The following LRPAP1 variants were observed in gnomAD, a reference collection of about 807,000 sequenced individuals.
LRPAP1 encodes LDL receptor related protein associated protein 1, also known as alpha-2-macroglobulin receptor-associated protein.
A neutral mutation model predicts 39.9 loss-of-function variants in LRPAP1; 41 were observed. That is an observed-to-expected ratio of 1.03 (90% CI 0.80 to 1.33). The LOEUF is 1.33. Among genes scored for constraint, LRPAP1 ranks in the 40% most tolerant of loss-of-function variants. The pLI, the probability that LRPAP1 is intolerant of heterozygous loss-of-function variation, is 0.00. For synonymous variants in LRPAP1, 263 were observed against 212.7 expected, an observed-to-expected ratio of 1.24 and a Z score of -2.06; for missense variants, 565 against 482.3, an observed-to-expected ratio of 1.17 and a Z score of -1.61.
intron 1 of LRPAP1, among the ~76,000 whole-genome samples, chr4:3,526,482 T>A (rs918719034): frequency 1.3e-5 from 2 of 152,288 alleles, no homozygotes; most frequent in African/African-American, 4.8e-5. Context: ...ATGTGTGTTA[T>A]ATTTCAATAA....
At chr4:3,518,637 A>C (rs576309759) in intron 4 of LRPAP1, among the ~76,000 whole-genome samples, 521 of 152,036 alleles carry the variant, frequency 3.4e-3, no homozygotes, top group African/African-American at 0.012. Flanking sequence ...CGCCGGTGAG[A>C]CTTGGTTCAT....
intron 1 of LRPAP1, among the ~76,000 whole-genome samples, chr4:3,531,570 G>C (rs978545085): frequency 6.6e-6 from 1 of 152,188 alleles, no homozygotes; most frequent in Non-Finnish European, 1.5e-5. Flanking sequence ...TTGTCCCGGG[G>C]GGCCCCACCG....
chr4:3,516,320 G>A lies in LRPAP1; in HGVS notation c.752-122C>T, dbSNP rs1329359295. On this transcript the variant is annotated intron_variant, in intron 5 of 7. Coordinates refer to ENST00000650182, the MANE Select transcript of LRPAP1 (RefSeq NM_002337.4). ...GGGTTTGCAGGCGCGACCTGCATGT[G>A]TGTGAAACACGGGTGCGTGCACTCA... 19 of 728,070 alleles carry A rather than the reference G, an allele frequency of 2.6e-5. No individual in the cohort carries two copies. The East Asian group carries it at 4.3e-4, about 17-fold the overall frequency. The allele number at this position is 728,070 out of a possible 1,614,324, so 45.1% of individuals were successfully genotyped here. A position where few individuals can be genotyped will look rare whatever the true frequency, so the allele number is the denominator to read the frequency against.
At position 3,525,387 on chromosome 4, in the gene LRPAP1, G is replaced by A. The variant is rs554967445; in HGVS notation, c.205-336C>T. On this transcript the variant is annotated intron_variant, in intron 1 of 7. Transcript: ENST00000650182. The stretch of plus-strand genomic sequence containing the variant: ...TCGGGCACTCGGATAAACAGAGCAG[G>A]AAGAAGATACCCACTGCATTACCAT... Among the ~76,000 whole-genome samples the A allele has an allele frequency of 4.0e-4, 61 of 152,238 alleles. 2 individuals are homozygous for A. Among genetic ancestry groups the A allele is most frequent in the African/African-American group, 1.3e-3 (53 of 41,536 alleles).
chr4:3,530,935 G>T (rs1730232061), intron 1 of LRPAP1, among the ~76,000 whole-genome samples: 1 of 152,078 alleles, frequency 6.6e-6, no homozygotes, highest in Admixed American at 6.5e-5. Flanking sequence ...TCCTCATGGG[G>T]AGGGGGGACT....
rs1173694776 is a variant in LRPAP1, at chr4:3,506,396, G to A, written c.*6578C>T. 2 of 140,104 alleles carry A rather than the reference G, an allele frequency of 1.4e-5. No individual in the cohort carries two copies. The highest frequency in any genetic ancestry group is 3.0e-5 in the Non-Finnish European group (2 of 65,960). 8.7% of individuals were successfully genotyped at this position (140,104 alleles called of 1,614,324 possible). On this transcript the variant is annotated 3_prime_UTR_variant, in exon 8 of 8. Transcript: ENST00000650182. ...CTGGGTTTTTTTTTTTTTTTGAGGC[G>A]AAGTCTTGCTCTTGTCCCCAGGCCG...
chr4:3,518,853 G>A lies in LRPAP1; in HGVS notation c.592+18C>T, dbSNP rs1250798209. 1 of 1,518,094 alleles carries A rather than the reference G, an allele frequency of 6.6e-7. No homozygotes were observed. The highest frequency in any genetic ancestry group is 8.9e-7 in the Non-Finnish European group (1 of 1,125,966). 94.0% of individuals were successfully genotyped at this position (1,518,094 alleles called of 1,614,324 possible). A position where few individuals can be genotyped will look rare whatever the true frequency, so the allele number is the denominator to read the frequency against. On this transcript the variant is annotated intron_variant, in intron 4 of 7. Transcript: ENST00000650182. ...GGGGGTGGGGCAGAGGGCAGGAGGG[G>A]GTGGGGGCGGGGGGCACCTTCGGTC...
Position 3,511,893 on chromosome 4 carries a change from CTCGGAG to C in LRPAP1, c.*1075_*1080del, listed in dbSNP as rs1467587173. ...GCTCAGACACGGGAAGGGAACCACGCTCGGAGCCGGACCCGAGCCTCTTCCAGGCTC... is the reference window on the plus strand; with the variant it reads ...GCTCAGACACGGGAAGGGAACCACGCCCGGACCCGAGCCTCTTCCAGGCTC... On this transcript the variant is annotated 3_prime_UTR_variant, in exon 8 of 8. Coordinates refer to ENST00000650182, the MANE Select transcript of LRPAP1 (RefSeq NM_002337.4). 15 of 113,632 alleles carry C rather than the reference CTCGGAG, an allele frequency of 1.3e-4. No homozygotes were observed. Among genetic ancestry groups the C allele is most frequent in the East Asian group, 5.2e-4 (2 of 3,874 alleles). 7.0% of individuals were successfully genotyped at this position (113,632 alleles called of 1,614,324 possible).
chr4:3,522,547 C>CT (rs60485813), intron 2 of LRPAP1, among the ~76,000 whole-genome samples: 43,770 of 81,302 alleles, frequency 0.54, 13,537 homozygotes, highest in East Asian at 0.83. Flanking sequence ...CACGCCCTGC[C>CT]CGGGGAGGAC....
Position 3,505,890 on chromosome 4 carries a change from G to A in LRPAP1, c.*7084C>T. ...TGACCCAGCAGGCTGGGCTGAGCTG[G>A]GACCAGCTCTTCCACTGCCCTGCTC... is the stretch of plus-strand genomic sequence containing the variant. On this transcript the variant is annotated 3_prime_UTR_variant, in exon 8 of 8. Transcript: ENST00000650182. Among the ~76,000 whole-genome samples, 1 of 152,176 alleles carries A rather than the reference G, an allele frequency of 6.6e-6. No homozygotes were observed. The highest frequency in any genetic ancestry group is 1.5e-5 in the Non-Finnish European group (1 of 68,030).
rs115288106 is a variant in LRPAP1 at position 3,526,353 on chromosome 4, G to C, written c.205-1302C>G. On this transcript the variant is annotated intron_variant, in intron 1 of 7. Coordinates refer to ENST00000650182, the MANE Select transcript of LRPAP1 (RefSeq NM_002337.4). ...TGCCCATCACCTAACGCCTGTCTCT[G>C]ATCATGTGTGTTTAAATATGGAGTC... Among the ~76,000 whole-genome samples, 904 of 152,314 alleles carry C rather than the reference G, an allele frequency of 5.9e-3. 1 individual carries two copies. The highest frequency in any genetic ancestry group is 0.024 in the Middle Eastern group (7 of 294).
Position 3,518,973 on chromosome 4 carries a change from A to AACAAGACC in LRPAP1, c.489_490insGGTCTTGT (p.Phe164GlyfsTer33). On this transcript the variant is annotated frameshift_variant, in exon 4 of 8. Transcript: ENST00000650182. LOFTEE classifies it high-confidence loss of function. ...AGCTTGTCCAGTTCTTCGCCGGAGA[A>AACAAGACC]TTTCCCAGAGGTCTTCGCCTAAGAG... 1 of 1,613,964 alleles carries AACAAGACC rather than the reference A, an allele frequency of 6.2e-7. No homozygotes were observed. The highest frequency in any genetic ancestry group is 8.5e-7 in the Non-Finnish European group (1 of 1,179,960).
At chr4:3,531,308 T>C (rs1730244773) in intron 1 of LRPAP1, among the ~76,000 whole-genome samples, 1 of 152,168 alleles carries the variant, frequency 6.6e-6, no homozygotes, top group African/African-American at 2.4e-5. Flanking sequence ...TCCCTTTTCG[T>C]TCCAAAAGTT....
In LRPAP1 at chr4:3,524,889, GGAAA is replaced by G; in HGVS notation, c.349+14_349+17del. The G allele has an allele frequency of 6.2e-7, 1 of 1,612,172 alleles. No individual in the cohort carries two copies. The highest frequency in any genetic ancestry group is 8.5e-7 in the Non-Finnish European group (1 of 1,178,240). ...GAAGAGGGATACTCGACCTGCATTA[GGAAA>G]GAAACAAACGTACCATTGAGGTTGC... On this transcript the variant is annotated intron_variant, in intron 2 of 7. Coordinates refer to ENST00000650182, the MANE Select transcript of LRPAP1 (RefSeq NM_002337.4).
At chr4:3,520,043 T>C in intron 3 of LRPAP1, 29 bp downstream of exon 3, 1 of 1,611,042 alleles carries the variant, frequency 6.2e-7, no homozygotes, top group Non-Finnish European at 8.5e-7. Flanking sequence ...GCACCAATTC[T>C]GCAAGGTATG....
chr4:3,527,957 A>C (rs1306789398), intron 1 of LRPAP1, among the ~76,000 whole-genome samples: 1 of 152,198 alleles, frequency 6.6e-6, no homozygotes, highest in Non-Finnish European at 1.5e-5. Flanking sequence ...CTCTCAGGCA[A>C]CAGGGGGTCT....
chr4:3,527,433 G>C (rs541902980), intron 1 of LRPAP1, among the ~76,000 whole-genome samples: 1 of 149,790 alleles, frequency 6.7e-6, no homozygotes. Flanking sequence ...CTCAGGAGGA[G>C]GGGGAGCCCA....
intron 2 of LRPAP1, among the ~76,000 whole-genome samples, chr4:3,523,684 G>A (rs1018116219): frequency 2.0e-5 from 3 of 152,220 alleles, no homozygotes; most frequent in Admixed American, 6.5e-5. Context: ...CAGGCCTAAC[G>A]AAGGAACTCC....
intron 4 of LRPAP1, 107 bp downstream of exon 4, chr4:3,518,764 A>T: frequency 1.4e-6 from 1 of 709,890 alleles, no homozygotes; most frequent in Non-Finnish European, 2.2e-6. Context: ...TGTGTTCCTG[A>T]GGGGAGCTGA....
Sources: gnomAD v4.1 joint callset for allele counts (sites outside exome capture counted in the v4.1 genomes callset) on GRCh38, gnomAD v4.1.1 for gene constraint, MANE v1.5 for transcripts, NCBI Gene and HGNC (gene_info 2026-07-23, HGNC 2026-07-21) for gene names.